Variants in ARHGEF38 observed in about 807,000 individuals in gnomAD.
ARHGEF38 encodes the protein Rho guanine nucleotide exchange factor (GEF) 38.
In ARHGEF38, 79 loss-of-function variants were observed where a neutral mutation model predicts 79.9. The ratio of observed to expected loss-of-function variants is 0.99; its 90% CI spans 0.82 to 1.19. The LOEUF (loss-of-function observed/expected upper bound fraction) is 1.19. ARHGEF38 is among the 50% of genes most tolerant of loss of function. ARHGEF38 has a pLI of 0.00. For missense variants in ARHGEF38, 962 were observed against 907.2 expected (o/e 1.06, Z -0.78); for synonymous variants, 366 against 328.3 (o/e 1.11, Z -1.24).
intron 1 of ARHGEF38, among the ~76,000 whole-genome samples, chr4:105,568,516 T>C (rs939795627): frequency 1.3e-5 from 2 of 152,194 alleles, no homozygotes; most frequent in African/African-American, 2.4e-5. Flanking sequence ...CTATAAATCA[T>C]GCTGCTATAA....
intron 9 of ARHGEF38, among the ~76,000 whole-genome samples, chr4:105,657,592 G>GATAT (rs148598283): frequency 5.4e-5 from 8 of 148,674 alleles, no homozygotes; most frequent in African/African-American, 1.7e-4. Flanking sequence ...TGAGTCACTG[G>GATAT]ATATATATAT....
chr4:105,584,751 T>C (rs919268961), intron 1 of ARHGEF38, among the ~76,000 whole-genome samples: 3 of 152,054 alleles, frequency 2.0e-5, no homozygotes, highest in Non-Finnish European at 4.4e-5. Context: ...AAGAAAGAAA[T>C]TACCTCTCCT....
chr4:105,552,923 G>A lies in ARHGEF38; in HGVS notation c.158G>A (p.Ser53Asn). 6.2e-7 allele frequency: 1 copy of A among 1,613,316 alleles called. No individual in the cohort carries two copies. The highest frequency in any genetic ancestry group is 8.5e-7 in the Non-Finnish European group (1 of 1,179,692). ...SGDHSGTLRR[S>N]QSDRTEYNQK... ...GACCACTCTGGCACCTTGAGGAGGA[G>A]CCAATCTGACAGGACCGAATACAAC... Residue 53 changes from serine (S) to asparagine (N), a missense_variant, in exon 1 of 14, where the codon AGC (serine) becomes AAC (asparagine). By Grantham distance (46) the Ser-to-Asn change is conservative. Transcript: ENST00000420470.
chr4:105,635,409 T>C (rs1253462764), intron 4 of ARHGEF38, among the ~76,000 whole-genome samples: 2 of 152,228 alleles, frequency 1.3e-5, no homozygotes, highest in East Asian at 1.9e-4. Flanking sequence ...ATTTATGTTA[T>C]GATATTTAGG....
chr4:105,634,298 T>G (rs1203332832), intron 4 of ARHGEF38, among the ~76,000 whole-genome samples: 3 of 152,140 alleles, frequency 2.0e-5, no homozygotes, highest in African/African-American at 7.2e-5. Context: ...ACTACAGAGT[T>G]TGGAGACCTT....
At chr4:105,677,662 G>A in intron 13 of ARHGEF38, 90 bp from the exon 14 acceptor site, 1 of 1,215,656 alleles carries the variant, frequency 8.2e-7, no homozygotes, top group Non-Finnish European at 1.1e-6. Context: ...AAAAACTTTA[G>A]CATTGCTTCT....
chr4:105,561,443 T>TGG (rs1560684438), intron 1 of ARHGEF38: 984 of 67,442 alleles, frequency 0.015, 18 homozygotes, highest in Middle Eastern at 0.023. Flanking sequence ...TAGAATAGAA[T>TGG]AGAATGGAAT....
intron 1 of ARHGEF38, among the ~76,000 whole-genome samples, chr4:105,563,781 A>G (rs1725753294): frequency 6.6e-6 from 1 of 152,212 alleles, no homozygotes; most frequent in Non-Finnish European, 1.5e-5. Context: ...CTGCCAATAC[A>G]TTCATCGGCA....
chr4:105,675,713 A>G (rs1004796536), intron 13 of ARHGEF38, among the ~76,000 whole-genome samples: 1 of 152,192 alleles, frequency 6.6e-6, no homozygotes, highest in Non-Finnish European at 1.5e-5. Flanking sequence ...TATTTCTCAC[A>G]GTTGTGGAGG....
intron 1 of ARHGEF38, among the ~76,000 whole-genome samples, chr4:105,557,870 T>C (rs1725325934): frequency 6.6e-6 from 1 of 152,146 alleles, no homozygotes; most frequent in Non-Finnish European, 1.5e-5. Context: ...TTATCCTCTA[T>C]GGCCACACTA....
intron 3 of ARHGEF38, among the ~76,000 whole-genome samples, chr4:105,624,521 C>G (rs550012439): frequency 6.6e-6 from 1 of 152,340 alleles, no homozygotes; most frequent in African/African-American, 2.4e-5. Flanking sequence ...GCCAGGGTCT[C>G]TTGGGTATCC....
At chr4:105,633,421 A>G (rs574848404) in intron 4 of ARHGEF38, among the ~76,000 whole-genome samples, 2 of 152,262 alleles carry the variant, frequency 1.3e-5, no homozygotes, top group Non-Finnish European at 2.9e-5. Flanking sequence ...AGAGTCTGGA[A>G]CACCCTAAGG....
chr4:105,674,756 A>C (rs942767497), intron 13 of ARHGEF38, among the ~76,000 whole-genome samples: 1 of 152,118 alleles, frequency 6.6e-6, no homozygotes, highest in Non-Finnish European at 1.5e-5. Flanking sequence ...TTACAATTTC[A>C]TGAGAATATA....
At chr4:105,553,778 C>T (rs544283510) in intron 1 of ARHGEF38, among the ~76,000 whole-genome samples, 8 of 152,150 alleles carry the variant, frequency 5.3e-5, no homozygotes, top group Non-Finnish European at 8.8e-5. Flanking sequence ...GTCTTTTCTT[C>T]GGTACTTGTT....
At chr4:105,662,226 T>C (rs900448360) in intron 10 of ARHGEF38, among the ~76,000 whole-genome samples, 2 of 152,200 alleles carry the variant, frequency 1.3e-5, no homozygotes, top group African/African-American at 2.4e-5. Flanking sequence ...TAGTTGTTCA[T>C]GTGTTTTACT....
At chr4:105,584,190 G>A (rs942102309) in intron 1 of ARHGEF38, among the ~76,000 whole-genome samples, 4 of 152,126 alleles carry the variant, frequency 2.6e-5, no homozygotes, top group Admixed American at 2.6e-4. Flanking sequence ...AGAAGAATAT[G>A]TATATGAGCT....
At chr4:105,651,625 C>A (rs1441419791) in intron 7 of ARHGEF38, among the ~76,000 whole-genome samples, 1 of 152,112 alleles carries the variant, frequency 6.6e-6, no homozygotes, top group East Asian at 1.9e-4. Context: ...TAGGCTAAGT[C>A]AGGTAGTTGT....
At chr4:105,561,407 A>G (rs867349642) in intron 1 of ARHGEF38, among the ~76,000 whole-genome samples, 5 of 38,198 alleles carry the variant, frequency 1.3e-4, no homozygotes, top group Admixed American at 6.0e-4. Context: ...GAATAATAGA[A>G]TAGAATAGAA....
At chr4:105,583,669 G>A (rs1160334307) in intron 1 of ARHGEF38, among the ~76,000 whole-genome samples, 2 of 151,990 alleles carry the variant, frequency 1.3e-5, no homozygotes, top group African/African-American at 4.8e-5. Context: ...AATTATTTAT[G>A]TTCTTCTTCC....
Sources: allele counts gnomAD v4.1 joint callset (sites outside exome capture counted in the v4.1 genomes callset), GRCh38; gene constraint gnomAD v4.1.1; transcripts MANE v1.5; gene names NCBI Gene and HGNC (gene_info 2026-07-23, HGNC 2026-07-21).